TRIM67: variants seen among roughly 807,000 people sequenced by gnomAD.
TRIM67 encodes tripartite motif-containing protein 67.
TRIM67 carries 39 observed loss-of-function variants against 71.0 expected under a neutral mutation model. That is an observed-to-expected ratio of 0.55 (90% confidence interval 0.43 to 0.72). The LOEUF (loss-of-function observed/expected upper bound fraction) is 0.72. TRIM67 is among the 30% of genes least tolerant of loss of function. The pLI is 0.00. For missense variants in TRIM67, 973 were observed against 1,079.2 expected, an observed-to-expected ratio of 0.90 and a Z score of 1.38; for synonymous variants, 481 against 473.9, an observed-to-expected ratio of 1.01 and a Z score of -0.19.
intron 1 of TRIM67, among the ~76,000 whole-genome samples, chr1:231,178,584 G>A (rs991956875): frequency 5.9e-5 from 9 of 152,198 alleles, no homozygotes; most frequent in Non-Finnish European, 8.8e-5. Flanking sequence ...AAGAAGCAGC[G>A]TTTAACCTAA....
chr1:231,183,506 G>T (rs1419256357), intron 1 of TRIM67, among the ~76,000 whole-genome samples: 1 of 152,102 alleles, frequency 6.6e-6, no homozygotes, highest in African/African-American at 2.4e-5. Context: ...CTAGTTACTT[G>T]GGAGGCTGAG....
intron 1 of TRIM67, among the ~76,000 whole-genome samples, chr1:231,182,172 A>G (rs1682924252): frequency 6.6e-6 from 1 of 152,194 alleles, no homozygotes. Flanking sequence ...CTTCCCTGTC[A>G]TCTTGCCCGA....
chr1:231,194,536 G>A (rs935275831), intron 1 of TRIM67, among the ~76,000 whole-genome samples: 1 of 152,154 alleles, frequency 6.6e-6, no homozygotes, highest in Admixed American at 6.5e-5. Context: ...AGAAAGTGAA[G>A]GAGAAGGGAG....
At chr1:231,178,564 G>A (rs1039859610) in intron 1 of TRIM67, among the ~76,000 whole-genome samples, 1 of 152,194 alleles carries the variant, frequency 6.6e-6, no homozygotes, top group Non-Finnish European at 1.5e-5. Context: ...TGTCCTCTTG[G>A]GGTAGGGCTA....
At chr1:231,172,960 A>G (rs1297520325) in intron 1 of TRIM67, among the ~76,000 whole-genome samples, 1 of 152,204 alleles carries the variant, frequency 6.6e-6, no homozygotes, top group Admixed American at 6.5e-5. Context: ...ACTTACTATA[A>G]CGTAAATACT....
chr1:231,163,316 C>T lies in TRIM67; in HGVS notation c.347C>T (p.Thr116Ile), dbSNP rs765830761. The T allele has an allele frequency of 1.3e-6, 2 of 1,521,652 alleles. No homozygotes were observed. The highest frequency in any genetic ancestry group is 2.5e-5 in the South Asian group (2 of 80,678). The allele number at this position is 1,521,652 out of a possible 1,614,324, so 94.3% of individuals were successfully genotyped here. A position where few individuals can be genotyped will look rare whatever the true frequency, so the allele number is the denominator to read the frequency against. The change falls in exon 1 of 10, where the codon ACC becomes ATC. Residue 116 changes from threonine to isoleucine, a missense_variant. Around this residue, in one of 2 missense-constraint regions of TRIM67, gnomAD observed 795 missense variants for 831.3 expected, o/e 0.96. Transcript: ENST00000366653. ...SETDSGYGSY[T>I]PSLKSPNGVR... ...ACAGACAGCGGCTACGGGTCCTACA[C>T]CCCGAGCCTCAAGTCCCCCAACGGG...
At position 231,218,298 on chromosome 1, in the gene TRIM67, G is replaced by A; in HGVS notation, c.*2858G>A. 1.0e-6 allele frequency: 1 copy of A among 986,386 alleles called. No homozygotes were observed. Among genetic ancestry groups the A allele is most frequent in the Non-Finnish European group, 1.2e-6 (1 of 830,590 alleles). The allele number at this position is 986,386 out of a possible 1,614,324, so 61.1% of individuals were successfully genotyped here. A position where few individuals can be genotyped will look rare whatever the true frequency, so the allele number is the denominator to read the frequency against. On this transcript the variant is annotated 3_prime_UTR_variant, in exon 10 of 10. Coordinates refer to ENST00000366653, the MANE Select transcript of TRIM67 (RefSeq NM_001004342.5). The stretch of plus-strand genomic sequence containing the variant: ...ATACATATAAATGATATCAAGATGA[G>A]GCTTTTGTTGGGCTGGCTGAGGAGT...
rs775945293 is a variant in TRIM67 at position 231,163,144 on chromosome 1, G to A, written c.175G>A (p.Ala59Thr). 6.6e-7 allele frequency: 1 copy of A among 1,515,676 alleles called. No homozygotes were observed. The highest frequency in any genetic ancestry group is 1.2e-5 in the South Asian group (1 of 80,880). 93.9% of individuals were successfully genotyped at this position (1,515,676 alleles called of 1,614,324 possible). A position where few individuals can be genotyped will look rare whatever the true frequency, so the allele number is the denominator to read the frequency against. Reference protein sequence around the residue: ...LLLSRGSGLQAGAAAAASLEH... With the variant: ...LLLSRGSGLQTGAAAAASLEH... ...GCTTTCCCGGGGATCGGGGCTGCAG[G>A]CGGGCGCCGCCGCCGCTGCCTCTCT... The change falls in exon 1 of 10, where the codon GCG becomes ACG. Residue 59 changes from alanine (A) to threonine (T), a missense_variant. Coordinates refer to ENST00000366653, the MANE Select transcript of TRIM67 (RefSeq NM_001004342.5).
At chr1:231,206,935 TCTG>T in intron 7 of TRIM67, 145 bp downstream of exon 7, 3 of 820,880 alleles carry the variant, frequency 3.7e-6, no homozygotes, top group Non-Finnish European at 5.3e-6. Context: ...GGCGTGCCCT[TCTG>T]GGACCACAGG....
chr1:231,198,080 A>G (rs1683415526), intron 2 of TRIM67, among the ~76,000 whole-genome samples: 1 of 152,212 alleles, frequency 6.6e-6, no homozygotes. Context: ...CTAGCACTCT[A>G]CGTGCCATGT....
At chr1:231,203,427 C>T (rs556973144) in intron 5 of TRIM67, among the ~76,000 whole-genome samples, 83 of 152,370 alleles carry the variant, frequency 5.4e-4, no homozygotes, top group African/African-American at 1.8e-3. Context: ...GGCTGGCTGC[C>T]ACTTAGCTGT....
At chr1:231,185,413 C>T (rs991465531) in intron 1 of TRIM67, among the ~76,000 whole-genome samples, 5 of 151,808 alleles carry the variant, frequency 3.3e-5, no homozygotes, top group African/African-American at 9.7e-5. Context: ...CCAGGAGCTC[C>T]CACCACGGCG....
intron 1 of TRIM67, chr1:231,187,699 C>G: frequency 1.2e-6 from 1 of 832,108 alleles, no homozygotes; most frequent in Non-Finnish European, 1.8e-6. Flanking sequence ...GTGGGAGAGG[C>G]GGGGTGGGAA....
chr1:231,220,285 C>T lies in TRIM67; in HGVS notation c.*4845C>T, dbSNP rs1684110831. The T allele has an allele frequency of 3.9e-6, 1 of 254,394 alleles. No individual in the cohort carries two copies. The highest frequency in any genetic ancestry group is 7.8e-6 in the Non-Finnish European group (1 of 127,556). The allele number at this position is 254,394 out of a possible 1,614,324, so 15.8% of individuals were successfully genotyped here. The stretch of plus-strand genomic sequence containing the variant: ...ACCTTTAAGACAGGTTTCCTATGAC[C>T]ATAGAAAGTAACACCCCATATGTTT... On this transcript the variant is annotated 3_prime_UTR_variant, in exon 10 of 10. Coordinates refer to ENST00000366653, the MANE Select transcript of TRIM67 (RefSeq NM_001004342.5).
chr1:231,217,162 G>A lies in TRIM67; in HGVS notation c.*1722G>A, dbSNP rs1287653266. On this transcript the variant is annotated 3_prime_UTR_variant, in exon 10 of 10. Coordinates refer to ENST00000366653, the MANE Select transcript of TRIM67 (RefSeq NM_001004342.5). ...TCCTACCTCAAAGCTCATGCTCTTG[G>A]TCTGCAAGGCTGCTTGGTCCGCTGT... 2 of 985,834 alleles carry A rather than the reference G, an allele frequency of 2.0e-6. No homozygotes were observed. The highest frequency in any genetic ancestry group is 1.7e-5 in the African/African-American group (1 of 57,220). The allele number at this position is 985,834 out of a possible 1,614,324, so 61.1% of individuals were successfully genotyped here.
chr1:231,162,623 T>C lies in TRIM67; in HGVS notation c.-347T>C. On this transcript the variant is annotated 5_prime_UTR_variant, in exon 1 of 10. Coordinates refer to ENST00000366653, the MANE Select transcript of TRIM67 (RefSeq NM_001004342.5). ...CCTGGGGTGGAGAGGAGGCGCGCGC[T>C]GCAGCCGGCGGCGGCGCTGGTGCTG... The C allele has an allele frequency of 7.5e-6, 2 of 267,540 alleles. No homozygotes were observed. The highest frequency in any genetic ancestry group is 7.1e-6 in the Non-Finnish European group (1 of 141,814). The allele number at this position is 267,540 out of a possible 1,614,324, so 16.6% of individuals were successfully genotyped here.
chr1:231,171,763 G>T (rs1004377136), intron 1 of TRIM67, among the ~76,000 whole-genome samples: 4 of 152,132 alleles, frequency 2.6e-5, no homozygotes, highest in African/African-American at 7.2e-5. Context: ...AGAAGAAGGG[G>T]TTTGCTAAAC....
intron 1 of TRIM67, among the ~76,000 whole-genome samples, chr1:231,192,678 G>T (rs938351461): frequency 6.6e-6 from 1 of 152,246 alleles, no homozygotes; most frequent in Non-Finnish European, 1.5e-5. Context: ...ACAGCGGCTA[G>T]CCCTCACACT....
rs377202797 is a variant in TRIM67, at chr1:231,209,998, G to GC, written c.2123+755dup. Reference sequence around the variant, plus strand: ...TCTCCTCAGACACAAAGAAGGCAGTGCCCCCCCAACACCCCTGCACCATAG... The same window carrying GC: ...TCTCCTCAGACACAAAGAAGGCAGTGCCCCCCCCAACACCCCTGCACCATAG... On this transcript the variant is annotated intron_variant, in intron 8 of 9. Coordinates refer to ENST00000366653, the MANE Select transcript of TRIM67 (RefSeq NM_001004342.5). The surrounding 1 kb of genome is among the most constrained non-coding windows in gnomAD (Gnocchi z 4.1). Among the ~76,000 whole-genome samples, 17 of 152,036 alleles carry GC rather than the reference G, an allele frequency of 1.1e-4. No individual in the cohort carries two copies. Among genetic ancestry groups the GC allele is most frequent in the Admixed American group, 4.6e-4 (7 of 15,264 alleles).
Sources: gnomAD v4.1 joint callset for allele counts (sites outside exome capture counted in the v4.1 genomes callset) on GRCh38, gnomAD v4.1.1 for gene constraint, gnomAD v4.1.1 regional missense constraint, Gnocchi (gnomAD v3.1) non-coding constraint, MANE v1.5 for transcripts, NCBI Gene and HGNC (gene_info 2026-07-23, HGNC 2026-07-21) for gene names.